SLC26A5: variants seen among roughly 807,000 people sequenced by gnomAD.
The protein encoded by SLC26A5 is prestin.
Under a neutral mutation model 81.0 loss-of-function variants are expected in SLC26A5, and 51 were observed. That is an observed-to-expected ratio of 0.63 (90% CI 0.50 to 0.80). SLC26A5 has a LOEUF of 0.80. Ranked by LOEUF, SLC26A5 falls within the 30% of genes least tolerant of loss-of-function variation. The pLI, the probability that SLC26A5 is intolerant of heterozygous loss-of-function variation, is 0.00. For missense variants in SLC26A5, 771 were observed against 905.8 expected, an observed-to-expected ratio of 0.85 and a Z score of 1.91; for synonymous variants, 325 against 332.8, an observed-to-expected ratio of 0.98 and a Z score of 0.25.
At chr7:103,401,639 G>T (rs1823600493) in intron 8 of SLC26A5, among the ~76,000 whole-genome samples, 1 of 152,042 alleles carries the variant, frequency 6.6e-6, no homozygotes, top group South Asian at 2.1e-4. Context: ...TTCTTGTGCT[G>T]GTTTTCAAAG....
chr7:103,361,365 C>G (rs1820391550), intron 19 of SLC26A5, among the ~76,000 whole-genome samples: 1 of 149,676 alleles, frequency 6.7e-6, no homozygotes, highest in African/African-American at 2.5e-5. Context: ...ACAAAATTAG[C>G]TAGGCATGGT....
intron 19 of SLC26A5, among the ~76,000 whole-genome samples, chr7:103,360,835 G>A (rs1466891015): frequency 6.6e-6 from 1 of 152,226 alleles, no homozygotes. Flanking sequence ...CTACTGGCCG[G>A]GTGCAATGGC....
chr7:103,427,228 C>G (rs1482537559), intron 2 of SLC26A5, among the ~76,000 whole-genome samples: 1 of 151,994 alleles, frequency 6.6e-6, no homozygotes, highest in Non-Finnish European at 1.5e-5. Context: ...TGTGCGCCAC[C>G]ACGCCCAACT....
At chr7:103,372,414 A>G (rs1821093205), downstream of SLC26A5, among the ~76,000 whole-genome samples, 3 of 152,234 alleles carry the variant, frequency 2.0e-5, no homozygotes, top group South Asian at 6.2e-4. Context: ...ACAGCATATT[A>G]AAGAAAAGAC....
At position 103,434,713 on chromosome 7, in the gene SLC26A5, G is replaced by A. The variant is rs367920785; in HGVS notation, c.-54+8370C>T. On this transcript the variant is annotated intron_variant, in intron 2 of 19. Coordinates refer to ENST00000306312, the MANE Select transcript of SLC26A5 (RefSeq NM_198999.3). ...ATTGCCCAGGCTGGAGTGCAGTGGCGCGACCTCAGCTCACTGAAACCTCTG... is the reference window on the plus strand; with the variant it reads ...ATTGCCCAGGCTGGAGTGCAGTGGCACGACCTCAGCTCACTGAAACCTCTG... 2.4e-4 allele frequency among the ~76,000 whole-genome samples: 36 copies of A among 152,114 alleles called. No homozygotes were observed. In the East Asian group the frequency reaches 3.5e-3, roughly 15 times the overall value.
intron 2 of SLC26A5, among the ~76,000 whole-genome samples, chr7:103,440,065 C>A (rs1370231049): frequency 2.0e-5 from 3 of 152,220 alleles, no homozygotes; most frequent in African/African-American, 4.8e-5. Flanking sequence ...TAGCACTTAA[C>A]ACTATCTAAC....
At chr7:103,378,958 G>A (rs539113293) in intron 16 of SLC26A5, among the ~76,000 whole-genome samples, 2 of 152,130 alleles carry the variant, frequency 1.3e-5, no homozygotes, top group East Asian at 3.9e-4. Flanking sequence ...ATTTTCTCAT[G>A]TTTTCTTAAA....
At chr7:103,409,718 T>G (rs1824325375) in intron 7 of SLC26A5, among the ~76,000 whole-genome samples, 1 of 152,102 alleles carries the variant, frequency 6.6e-6, no homozygotes, top group African/African-American at 2.4e-5. Flanking sequence ...AGGTTTTGTT[T>G]TTTTTTTGAG....
intron 13 of SLC26A5, 24 bp downstream of exon 13, chr7:103,389,305 A>C (rs1301625980): frequency 1.3e-6 from 2 of 1,523,040 alleles, no homozygotes; most frequent in East Asian, 2.2e-5. Context: ...ACATATTAAC[A>C]GAGCCATCAC....
intron 10 of SLC26A5, among the ~76,000 whole-genome samples, chr7:103,392,559 C>T (rs903264805): frequency 6.6e-6 from 1 of 152,196 alleles, no homozygotes; most frequent in Non-Finnish European, 1.5e-5. Flanking sequence ...CTTGTGCCTT[C>T]CATAACCGAC....
intron 2 of SLC26A5, among the ~76,000 whole-genome samples, chr7:103,439,679 A>C (rs1300743688): frequency 6.6e-6 from 1 of 152,136 alleles, no homozygotes; most frequent in Non-Finnish European, 1.5e-5. Context: ...GATTACAGGC[A>C]TGCGCAACCA....
intron 19 of SLC26A5, chr7:103,362,096 T>C (rs1458343933): frequency 1.2e-6 from 2 of 1,612,184 alleles, no homozygotes; most frequent in African/African-American, 2.7e-5. Context: ...GGGGTAAGAT[T>C]TCTATTTACA....
chr7:103,399,913 T>C lies in SLC26A5; in HGVS notation c.889-1899A>G, dbSNP rs568065450. Among the ~76,000 whole-genome samples the C allele has an allele frequency of 4.6e-3, 697 of 152,350 alleles. 3 individuals are homozygous for C. The highest frequency in any genetic ancestry group is 6.7e-3 in the Non-Finnish European group (459 of 68,032). Reference sequence around the variant, plus strand: ...AAGGACATGAACTCATCCTTTTTTATGGCTGCATAGTATTCCATGGTGTAT... The same window carrying C: ...AAGGACATGAACTCATCCTTTTTTACGGCTGCATAGTATTCCATGGTGTAT... On this transcript the variant is annotated intron_variant, in intron 8 of 19. Transcript: ENST00000306312.
At chr7:103,436,968 A>G (rs1178702861) in intron 2 of SLC26A5, among the ~76,000 whole-genome samples, 1 of 152,238 alleles carries the variant, frequency 6.6e-6, no homozygotes, top group Non-Finnish European at 1.5e-5. Context: ...AAGGCTCTGC[A>G]CAGCAAAGGA....
At chr7:103,364,356 G>A (rs1305759486) in intron 19 of SLC26A5, 2 of 1,591,372 alleles carry the variant, frequency 1.3e-6, no homozygotes, top group Admixed American at 1.7e-5. Flanking sequence ...AGATTTTACA[G>A]TATGAATGAA....
At chr7:103,432,623 T>C (rs1217764641) in intron 2 of SLC26A5, among the ~76,000 whole-genome samples, 1 of 152,212 alleles carries the variant, frequency 6.6e-6, no homozygotes, top group Non-Finnish European at 1.5e-5. Flanking sequence ...ATTCTTTCAA[T>C]AATTTTTAAC....
intron 14 of SLC26A5, among the ~76,000 whole-genome samples, chr7:103,387,578 C>T (rs1392331299): frequency 6.6e-6 from 1 of 152,308 alleles, no homozygotes; most frequent in East Asian, 1.9e-4. Flanking sequence ...GTATTAGTCT[C>T]ATTTTATAGA....
chr7:103,390,185 A>G (rs576891752), intron 12 of SLC26A5, among the ~76,000 whole-genome samples: 2 of 152,282 alleles, frequency 1.3e-5, no homozygotes, highest in Non-Finnish European at 2.9e-5. Flanking sequence ...CAGCCAGTCC[A>G]AACCCCGACT....
downstream of SLC26A5, among the ~76,000 whole-genome samples, chr7:103,372,060 C>A (rs573626397): frequency 6.6e-6 from 1 of 152,258 alleles, no homozygotes; most frequent in South Asian, 2.1e-4. Flanking sequence ...GATATTAGCT[C>A]GTTTACAAAA....
Sources: gnomAD v4.1 joint callset for allele counts (sites outside exome capture counted in the v4.1 genomes callset) on GRCh38, gnomAD v4.1.1 for gene constraint, MANE v1.5 for transcripts, NCBI Gene and HGNC (gene_info 2026-07-23, HGNC 2026-07-21) for gene names.